The following ERI1 variants were observed in gnomAD, a reference collection of about 807,000 sequenced individuals.
ERI1 encodes exoribonuclease 1, also known as 3'-5' exoribonuclease 1.
In ERI1, 39 loss-of-function variants were observed where a neutral mutation model predicts 39.7. That is an observed-to-expected ratio of 0.98 (90% CI 0.76 to 1.28). The LOEUF (loss-of-function observed/expected upper bound fraction) is 1.28. Ranked by LOEUF, ERI1 falls within the 50% of genes most tolerant of loss-of-function variation. The pLI, the probability that ERI1 is intolerant of heterozygous loss-of-function variation, is 0.00. For missense variants in ERI1, 581 were observed against 416.9 expected, an observed-to-expected ratio of 1.39 and a Z score of -3.43; for synonymous variants, 204 against 149.6, an observed-to-expected ratio of 1.36 and a Z score of -2.65.
At chr8:9,083,898 A>G (rs761602067) in intron 3 of ERI1, among the ~76,000 whole-genome samples, 1 of 151,932 alleles carries the variant, frequency 6.6e-6, no homozygotes, top group Admixed American at 6.6e-5. Flanking sequence ...GGTTCACGCC[A>G]TTCTCCAGCC....
chr8:9,048,127 G>GC, intron 3 of ERI1, among the ~76,000 whole-genome samples: 1 of 152,310 alleles, frequency 6.6e-6, no homozygotes, highest in South Asian at 2.1e-4. Flanking sequence ...GAAAAACAAA[G>GC]CCCAGTCTTT....
At position 9,018,247 on chromosome 8, in the gene ERI1, A is replaced by C. The variant is rs370390382; in HGVS notation, c.583-50A>C. ...TTAGGTCTGGGTATTTTGTAGGTCT[A>C]CGTGAAGCTGCAGCCCTGATTTTTG... On this transcript the variant is annotated intron_variant, in intron 4 of 6. Transcript: ENST00000250263. 39 of 1,053,426 alleles carry C rather than the reference A, an allele frequency of 3.7e-5. 1 individual carries two copies. The highest frequency in any genetic ancestry group is 3.2e-4 in the South Asian group (24 of 73,914). 65.3% of individuals were successfully genotyped at this position (1,053,426 alleles called of 1,614,324 possible).
chr8:9,014,878 C>A (rs1303241735), intron 3 of ERI1, among the ~76,000 whole-genome samples: 2 of 152,078 alleles, frequency 1.3e-5, no homozygotes, highest in Non-Finnish European at 1.5e-5. Context: ...TGCTTTGTCA[C>A]CCAGGCTGGA....
intron 3 of ERI1, among the ~76,000 whole-genome samples, chr8:9,070,980 C>T (rs1327605557): frequency 6.6e-6 from 1 of 152,142 alleles, no homozygotes; most frequent in Non-Finnish European, 1.5e-5. Flanking sequence ...CTCTGTACCC[C>T]TGCGGAGACT....
rs578164264 is a variant in ERI1 at position 9,010,617 on chromosome 8, C to A, written c.288-925C>A. Among the ~76,000 whole-genome samples the A allele has an allele frequency of 1.8e-3, 280 of 152,208 alleles. 1 individual carries two copies. Among genetic ancestry groups the A allele is most frequent in the African/African-American group, 6.5e-3 (268 of 41,522 alleles). On this transcript the variant is annotated intron_variant, in intron 2 of 6. Transcript: ENST00000250263. ...TCAGTTAACATGATACTTTACTTGG[C>A]ACTACACATTAATTATAATTTAGAT...
chr8:9,023,793 CTTTTTTT>C lies in ERI1; in HGVS notation c.807+3346_807+3352del, dbSNP rs3083379. 7.5e-5 allele frequency among the ~76,000 whole-genome samples: 6 copies of C among 80,532 alleles called. No individual in the cohort carries two copies. In the East Asian group the frequency reaches 2.5e-3, roughly 33 times the overall value. 52.8% of individuals were successfully genotyped at this position (80,532 alleles called of 152,430 possible). A position where few individuals can be genotyped will look rare whatever the true frequency, so the allele number is the denominator to read the frequency against. ...ACATTTTTTTTTTAAGTAAAAATGA[CTTTTTTT>C]TTTTTTTTTTTTTTTTGAGGCGGAG... On this transcript the variant is annotated intron_variant, in intron 6 of 6. Transcript: ENST00000250263.
At position 9,025,404 on chromosome 8, in the gene ERI1, C is replaced by T. The variant is rs895908506; in HGVS notation, c.808-4388C>T. Among the ~76,000 whole-genome samples the T allele has an allele frequency of 2.0e-5, 3 of 152,210 alleles. No individual in the cohort carries two copies. In the East Asian group the frequency reaches 5.8e-4, roughly 29 times the overall value. On this transcript the variant is annotated intron_variant, in intron 6 of 6. Coordinates refer to ENST00000250263, the MANE Select transcript of ERI1 (RefSeq NM_153332.4). ...CATTTTCTCCAGCTTCTTATAGGGA[C>T]TTGTTCAGCTGATTCATGTGATGAA...
chr8:9,043,238 C>G (rs947307362), intron 3 of ERI1, among the ~76,000 whole-genome samples: 1 of 152,194 alleles, frequency 6.6e-6, no homozygotes, highest in Non-Finnish European at 1.5e-5. Flanking sequence ...ACCTTTAAGA[C>G]AAGCAATGAG....
chr8:9,027,989 G>A (rs970220551), intron 6 of ERI1, among the ~76,000 whole-genome samples: 14 of 152,268 alleles, frequency 9.2e-5, no homozygotes, highest in African/African-American at 2.6e-4. Flanking sequence ...TTTTGTCAAG[G>A]ATTATTGCAA....
chr8:9,058,656 G>A (rs1798589076), intron 3 of ERI1, among the ~76,000 whole-genome samples: 1 of 152,044 alleles, frequency 6.6e-6, no homozygotes, highest in Admixed American at 6.6e-5. Context: ...TAATTGAATT[G>A]GCATAGGTAT....
At chr8:9,071,127 C>A (rs1285772891) in intron 3 of ERI1, among the ~76,000 whole-genome samples, 1 of 152,170 alleles carries the variant, frequency 6.6e-6, no homozygotes, top group Admixed American at 6.5e-5. Flanking sequence ...ATTGAACTCG[C>A]AAGGGAAAGT....
intron 3 of ERI1, among the ~76,000 whole-genome samples, chr8:9,015,258 C>G (rs758766793): frequency 6.6e-6 from 1 of 152,136 alleles, no homozygotes; most frequent in Non-Finnish European, 1.5e-5. Flanking sequence ...ACAAACTTTT[C>G]TTAATTTTTA....
chr8:9,017,850 G>A (rs1400179904), intron 4 of ERI1, among the ~76,000 whole-genome samples: 3 of 152,198 alleles, frequency 2.0e-5, no homozygotes, highest in East Asian at 1.9e-4. Flanking sequence ...AAGTATGAGA[G>A]TGATAGGGCG....
chr8:9,064,073 G>A (rs1022123852), intron 3 of ERI1, among the ~76,000 whole-genome samples: 2 of 151,816 alleles, frequency 1.3e-5, no homozygotes, highest in Non-Finnish European at 2.9e-5. Flanking sequence ...GAGATAAGAG[G>A]TTGGAGTGTG....
chr8:9,040,290 C>T (rs1406192376), intron 3 of ERI1, among the ~76,000 whole-genome samples: 4 of 152,342 alleles, frequency 2.6e-5, no homozygotes, highest in East Asian at 3.9e-4. Flanking sequence ...AGTCCCCAAA[C>T]ATCCCCATTT....
At chr8:9,068,891 A>G (rs904980768) in intron 3 of ERI1, among the ~76,000 whole-genome samples, 1 of 151,968 alleles carries the variant, frequency 6.6e-6, no homozygotes, top group Non-Finnish European at 1.5e-5. Context: ...GTCATGGCTG[A>G]CTGCAGCGTT....
chr8:9,006,647 G>A (rs1241223037), intron 1 of ERI1, among the ~76,000 whole-genome samples: 4 of 152,156 alleles, frequency 2.6e-5, no homozygotes, highest in African/African-American at 7.2e-5. Context: ...ATATATTGTT[G>A]AAAGTGAATC....
rs561224577 is a variant in ERI1, at chr8:9,077,612, A to G, written n.300-38736A>G. Among the ~76,000 whole-genome samples the G allele has an allele frequency of 2.0e-5, 3 of 152,320 alleles. No homozygotes were observed. The East Asian group carries it at 5.8e-4, about 29-fold the overall frequency. Reference sequence around the variant, plus strand: ...AACAAAGGCTGCTTTATCTGCTTATAATGCAGAGAAAGTGTCTCAGGCAGC... The same window carrying G: ...AACAAAGGCTGCTTTATCTGCTTATGATGCAGAGAAAGTGTCTCAGGCAGC... On this transcript the variant is annotated intron_variant and non_coding_transcript_variant, in intron 3 of 3. Coordinates refer to the ERI1 transcript ENST00000518663.
chr8:9,051,500 T>C (rs1341302278), intron 3 of ERI1, among the ~76,000 whole-genome samples: 1 of 151,878 alleles, frequency 6.6e-6, no homozygotes, highest in East Asian at 1.9e-4. Context: ...CTACTAAAAA[T>C]ACAAAAATAA....
Sources: gnomAD v4.1 joint callset for allele counts (sites outside exome capture counted in the v4.1 genomes callset) on GRCh38, gnomAD v4.1.1 for gene constraint, MANE v1.5 for transcripts, NCBI Gene and HGNC (gene_info 2026-07-23, HGNC 2026-07-21) for gene names.